DENND2B: variants seen among roughly 807,000 people sequenced by gnomAD.
DENND2B encodes DENN domain-containing protein 2B.
DENND2B carries 32 observed loss-of-function variants against 116.0 expected under a neutral mutation model. That is an observed-to-expected ratio of 0.28 (90% confidence interval 0.21 to 0.37). The LOEUF (loss-of-function observed/expected upper bound fraction) is 0.37. DENND2B is among the 10% of genes least tolerant of loss of function. DENND2B has a pLI of 1.00. For missense variants in DENND2B, 1,276 were observed against 1,477.7 expected, an observed-to-expected ratio of 0.86 and a Z score of 2.24; for synonymous variants, 588 against 583.9, an observed-to-expected ratio of 1.01 and a Z score of -0.10.
chr11:8,874,450 G>T (rs1444286824), upstream of DENND2B, among the ~76,000 whole-genome samples: 1 of 152,188 alleles, frequency 6.6e-6, no homozygotes, highest in Admixed American at 6.5e-5. Flanking sequence ...CTTAAGCATG[G>T]TGAGTTGTCT....
chr11:8,851,297 T>C (rs1034481862), intron 3 of DENND2B, among the ~76,000 whole-genome samples: 1 of 152,038 alleles, frequency 6.6e-6, no homozygotes, highest in Non-Finnish European at 1.5e-5. Context: ...ACATCATAAA[T>C]ATATACAATT....
rs1224732491 is a variant in DENND2B at position 8,697,988 on chromosome 11, A to C, written c.2941-352T>G. 1.8e-5 allele frequency: 8 copies of C among 441,564 alleles called. No homozygotes were observed. In the East Asian group the frequency reaches 5.4e-4, roughly 30 times the overall value. The allele number at this position is 441,564 out of a possible 1,614,324, so 27.4% of individuals were successfully genotyped here. On this transcript the variant is annotated intron_variant, in intron 16 of 19. Coordinates refer to ENST00000313726, the MANE Select transcript of DENND2B (RefSeq NM_213618.2). The stretch of plus-strand genomic sequence containing the variant: ...ATCTGCAAAACACACACAAAAAAAC[A>C]ATTAGTCAAGTATGGTGGCATGCAC...
chr11:8,754,583 A>G (rs1274959536), intron 1 of DENND2B, among the ~76,000 whole-genome samples: 2 of 152,380 alleles, frequency 1.3e-5, no homozygotes, highest in East Asian at 3.9e-4. Flanking sequence ...ATCTGTTCAG[A>G]AGAAATGAAA....
At chr11:8,743,504 C>T (rs1402551028) in intron 2 of DENND2B, among the ~76,000 whole-genome samples, 4 of 151,254 alleles carry the variant, frequency 2.6e-5, no homozygotes, top group African/African-American at 4.9e-5. Context: ...GAGCCGAGAT[C>T]ACACCACTGC....
intron 19 of DENND2B, chr11:8,694,417 C>T: frequency 2.1e-6 from 1 of 479,300 alleles, no homozygotes; most frequent in Non-Finnish European, 3.9e-6. Flanking sequence ...GAGCACCCTG[C>T]AGGGAGGGGT....
chr11:8,804,772 G>A lies in DENND2B; in HGVS notation c.-26+5745C>T, dbSNP rs543600720. ...ATTGGCCAGGCTGGTCTCAAACACC[G>A]ACCTCAAGTGATCCACCCACCTCGG... On this transcript the variant is annotated intron_variant, in intron 1 of 19. Coordinates refer to ENST00000313726, the MANE Select transcript of DENND2B (RefSeq NM_213618.2). Among the ~76,000 whole-genome samples, 164 of 151,910 alleles carry A rather than the reference G, an allele frequency of 1.1e-3. 1 individual carries two copies. Among genetic ancestry groups the A allele is most frequent in the African/African-American group, 3.7e-3 (153 of 41,426 alleles).
intron 2 of DENND2B, among the ~76,000 whole-genome samples, chr11:8,734,033 G>A (rs888520200): frequency 1.3e-5 from 2 of 152,178 alleles, no homozygotes; most frequent in Non-Finnish European, 2.9e-5. Flanking sequence ...AGAGGAACCT[G>A]CCTGTGCTGA....
chr11:8,707,284 C>T lies in DENND2B; in HGVS notation c.2431-59G>A, dbSNP rs2042768098. 2 of 1,562,968 alleles carry T rather than the reference C, an allele frequency of 1.3e-6. No homozygotes were observed. The highest frequency in any genetic ancestry group is 1.7e-6 in the Non-Finnish European group (2 of 1,151,334). On this transcript the variant is annotated intron_variant, in intron 12 of 19. Transcript: ENST00000313726. This position sits in a 1 kb window ranked among gnomAD's most constrained non-coding sequence, Gnocchi z 4.8. ...GTGTCAGGGCACTGCCCTTCCCCCT[C>T]CTGGCAGAGAAGAGGGCAGCCAAGC...
intron 4 of DENND2B, among the ~76,000 whole-genome samples, chr11:8,817,374 G>A (rs962565226): frequency 2.0e-5 from 3 of 152,284 alleles, no homozygotes; most frequent in African/African-American, 7.2e-5. Context: ...GACCTGCACA[G>A]TGTTGACCAC....
chr11:8,763,578 A>G (rs1269286743), intron 1 of DENND2B, among the ~76,000 whole-genome samples: 1 of 151,246 alleles, frequency 6.6e-6, no homozygotes, highest in African/African-American at 2.4e-5. Flanking sequence ...AGCTACACAC[A>G]ACATGGATAA....
In DENND2B at chr11:8,730,480, C is replaced by G. The variant is rs376442113; in HGVS notation, c.810G>C (p.Arg270Ser). The G allele has an allele frequency of 1.0e-4, 161 of 1,612,182 alleles. No homozygotes were observed. The South Asian group carries it at 1.5e-3, about 15-fold the overall frequency. The change falls in exon 3 of 20, where the codon AGG becomes AGC. Residue 270 changes from arginine (R) to serine (S), a missense_variant. Arg to Ser is a moderately radical substitution (Grantham distance 110, BLOSUM62 -1). Around this residue, in one of 2 missense-constraint regions of DENND2B, gnomAD observed 856 missense variants for 846.6 expected, o/e 1.01. Transcript: ENST00000313726. The surrounding 1 kb of genome is among the most constrained non-coding windows in gnomAD (Gnocchi z 4.1). ...LGRSEPSAFL[R>S]GHGSRKESSA... ...AGCTCTCCTTCCTGCTGCCATGCCC[C>G]CTGAGGAAGGCGCTGGGCTCACTCC...
chr11:8,699,098 C>T, intron 15 of DENND2B, 115 bp downstream of exon 15: 1 of 1,523,982 alleles, frequency 6.6e-7, no homozygotes, highest in Non-Finnish European at 8.8e-7. Flanking sequence ...CGGGGATAGA[C>T]CTCCCAGGGA....
At chr11:8,750,169 T>A (rs1362071405) in intron 2 of DENND2B, among the ~76,000 whole-genome samples, 1 of 152,206 alleles carries the variant, frequency 6.6e-6, no homozygotes, top group East Asian at 1.9e-4. Flanking sequence ...TTGAACCAAA[T>A]CCATGATTCC....
At chr11:8,705,401 C>T (rs1592437725) in intron 13 of DENND2B, among the ~76,000 whole-genome samples, 1 of 152,300 alleles carries the variant, frequency 6.6e-6, no homozygotes. Context: ...ATCCTGACCT[C>T]TTGGTGGTTC....
At chr11:8,869,038 C>T (rs1349809274) in intron 2 of DENND2B, among the ~76,000 whole-genome samples, 2 of 152,190 alleles carry the variant, frequency 1.3e-5, no homozygotes, top group Admixed American at 6.5e-5. Context: ...ATTTTACATG[C>T]GGCCCCAGGC....
chr11:8,801,685 A>G (rs557872839), intron 1 of DENND2B, among the ~76,000 whole-genome samples: 348 of 23,046 alleles, frequency 0.015, 4 homozygotes, highest in African/African-American at 0.027. Flanking sequence ...TCAAAAAAAA[A>G]AAAAAAAGAA....
intron 2 of DENND2B, among the ~76,000 whole-genome samples, chr11:8,859,523 T>C (rs1447571856): frequency 3.9e-5 from 6 of 152,144 alleles, no homozygotes; most frequent in African/African-American, 1.4e-4. Context: ...TTAGCCAGGA[T>C]GGTCTCAATC....
intron 1 of DENND2B, among the ~76,000 whole-genome samples, chr11:8,904,044 C>T (rs1589891562): frequency 1.3e-5 from 2 of 152,182 alleles, no homozygotes; most frequent in East Asian, 3.9e-4. Context: ...CAATTCTACA[C>T]ACTCTTCCAA....
At chr11:8,766,637 C>T (rs751935786) in intron 1 of DENND2B, 6 of 1,289,242 alleles carry the variant, frequency 4.7e-6, no homozygotes, top group South Asian at 2.5e-5. Context: ...ACGAAAATAC[C>T]TTCTTTGTTC....
Sources: allele counts gnomAD v4.1 joint callset (sites outside exome capture counted in the v4.1 genomes callset), GRCh38; gene constraint gnomAD v4.1.1; regional missense constraint gnomAD v4.1.1; non-coding constraint Gnocchi (gnomAD v3.1); transcripts MANE v1.5; gene names NCBI Gene and HGNC (gene_info 2026-07-23, HGNC 2026-07-21).